Variants in AP1B1 observed in about 807,000 individuals in gnomAD.
AP1B1 encodes the protein adaptor related protein complex 1 subunit beta 1.
A neutral mutation model predicts 104.3 loss-of-function variants in AP1B1; 36 were observed. The observed-to-expected ratio is 0.35, with a 90% confidence interval of 0.26 to 0.46. The LOEUF (loss-of-function observed/expected upper bound fraction) is 0.46. Among genes scored for constraint, AP1B1 ranks in the 20% least tolerant of loss-of-function variants. The pLI is 1.00. For synonymous variants in AP1B1, 504 were observed against 517.5 expected (o/e 0.97, Z 0.35); for missense variants, 901 against 1,247.9 (o/e 0.72, Z 4.19).
chr22:29,356,638 G>A (rs1350447156), intron 5 of AP1B1, 22 bp from the exon 6 acceptor site: 2 of 1,610,522 alleles, frequency 1.2e-6, no homozygotes, highest in African/African-American at 2.7e-5. Flanking sequence ...GGTGGGAGGG[G>A]CAGAGGCTGG....
chr22:29,360,341 C>T (rs968457211), intron 3 of AP1B1, among the ~76,000 whole-genome samples: 3 of 152,200 alleles, frequency 2.0e-5, no homozygotes, highest in African/African-American at 7.2e-5. Context: ...AAACTCACTT[C>T]ACAGGGCCTT....
chr22:29,349,086 C>T (rs556626880), intron 11 of AP1B1, 132 bp downstream of exon 11: 24 of 1,043,286 alleles, frequency 2.3e-5, no homozygotes, highest in South Asian at 1.8e-4. Flanking sequence ...GTGTCCATTA[C>T]GCGCACATCA....
chr22:29,376,066 T>TAG (rs1555933866), intron 1 of AP1B1, among the ~76,000 whole-genome samples: 3 of 152,076 alleles, frequency 2.0e-5, no homozygotes, highest in Non-Finnish European at 4.4e-5. Context: ...CACGAGGAAG[T>TAG]AGAGTATGAT....
intron 4 of AP1B1, chr22:29,359,565 C>T: frequency 2.5e-6 from 1 of 392,554 alleles, no homozygotes; most frequent in Non-Finnish European, 4.5e-6. Context: ...GCATGCAGGG[C>T]AGGGTCCAAT....
Position 29,341,490 on chromosome 22 carries a change from G to C in AP1B1, c.1796+11C>G. 1.2e-6 allele frequency: 2 copies of C among 1,609,242 alleles called. No individual in the cohort carries two copies. The highest frequency in any genetic ancestry group is 8.5e-7 in the Non-Finnish European group (1 of 1,176,336). On this transcript the variant is annotated intron_variant, in intron 13 of 22. Transcript: ENST00000357586. The stretch of plus-strand genomic sequence containing the variant: ...TGTGAAGGCGCAGGCCGACTGGCCA[G>C]TCTCACTCACGAGGCCGTGCGAGGT...
intron 2 of AP1B1, among the ~76,000 whole-genome samples, chr22:29,363,444 T>G (rs564159116): frequency 6.6e-6 from 1 of 152,130 alleles, no homozygotes; most frequent in South Asian, 2.1e-4. Context: ...GGTCAGAAGA[T>G]CAAGACCATC....
At position 29,341,611 on chromosome 22, in the gene AP1B1, C is replaced by A. The variant is rs1308684487; in HGVS notation, c.1686G>T (p.Glu562Asp). 6.2e-7 allele frequency: 1 copy of A among 1,614,132 alleles called. No individual in the cohort carries two copies. The highest frequency in any genetic ancestry group is 1.3e-5 in the African/African-American group (1 of 74,942). Residue 562 changes from glutamate (E) to aspartate (D), a missense_variant, in exon 13 of 23, where the codon GAG becomes GAT. By Grantham distance (45) the Glu-to-Asp change is conservative. This residue lies in a region of AP1B1 where 471 missense variants were observed against 696.7 expected (regional missense o/e 0.68). Transcript: ENST00000357586. ...CCAGCGTGCCGATGTAGCAGATAAG[C>A]TCGTCTAACAGTGTGGGCTCGATGA... is the stretch of plus-strand genomic sequence containing the variant. ...TDLIEPTLLDELICYIGTLAS... is the reference protein window; with the variant it reads ...TDLIEPTLLDDLICYIGTLAS...
chr22:29,370,175 G>A (rs117578133), intron 1 of AP1B1, among the ~76,000 whole-genome samples: 2,904 of 152,160 alleles, frequency 0.019, 38 homozygotes, highest in Non-Finnish European at 0.03. Flanking sequence ...AAAAGTGGCC[G>A]GGCGTGGTGG....
chr22:29,339,075 G>A lies in AP1B1; in HGVS notation c.2078C>T (p.Ala693Val), dbSNP rs779169379. 7.4e-6 allele frequency: 12 copies of A among 1,614,212 alleles called. 1 individual carries two copies. The Admixed American group carries it at 1.8e-4, about 25-fold the overall frequency. The change falls in exon 16 of 23, where the codon GCA becomes GTA. Residue 693 changes from alanine (A) to valine (V), a missense_variant. Physicochemically the swap from Ala to Val is moderately conservative, Grantham distance 64 (BLOSUM62 0). Around this residue, in one of 3 missense-constraint regions of AP1B1, gnomAD observed 424 missense variants for 494.0 expected, o/e 0.86. Transcript: ENST00000357586. ...PTAAVPANLG[A>V]PIGSGLSDLF... ...GTCACTCAGGCCACTGCCGATGGGT[G>A]CTCCAAGATTGGCTGGTACTGCTGC... is the stretch of plus-strand genomic sequence containing the variant.
At chr22:29,366,707 G>T (rs536598855) in intron 2 of AP1B1, among the ~76,000 whole-genome samples, 123 of 152,124 alleles carry the variant, frequency 8.1e-4, no homozygotes, top group Non-Finnish European at 1.3e-4. Flanking sequence ...GCTGAGGCAG[G>T]AGAATAACTT....
At chr22:29,351,395 C>G (rs770426630) in intron 8 of AP1B1, 129 bp from the exon 9 acceptor site, 4 of 1,126,030 alleles carry the variant, frequency 3.6e-6, no homozygotes, top group Non-Finnish European at 5.3e-6. Flanking sequence ...AGGTAGAAGG[C>G]CCAAGGGAGA....
rs1397704967 is a variant in AP1B1, at chr22:29,327,795, C to T, written c.*1026G>A. 1 of 152,158 alleles carries T rather than the reference C, an allele frequency of 6.6e-6. No individual in the cohort carries two copies. Among genetic ancestry groups the T allele is most frequent in the Non-Finnish European group, 1.5e-5 (1 of 68,032 alleles). The allele number at this position is 152,158 out of a possible 1,614,324, so 9.4% of individuals were successfully genotyped here. A position where few individuals can be genotyped will look rare whatever the true frequency, so the allele number is the denominator to read the frequency against. ...TACCGTAGGGTCAGAAAACCATCCC[C>T]AACCACTCGGAGGCAGCTTTCAATC... On this transcript the variant is annotated 3_prime_UTR_variant, in exon 23 of 23. Coordinates refer to ENST00000357586, the MANE Select transcript of AP1B1 (RefSeq NM_001127.4).
At chr22:29,356,187 C>T (rs889727053) in intron 6 of AP1B1, among the ~76,000 whole-genome samples, 1 of 152,260 alleles carries the variant, frequency 6.6e-6, no homozygotes, top group African/African-American at 2.4e-5. Flanking sequence ...CCCTGGGCTT[C>T]TGCCAGCTCC....
intron 1 of AP1B1, among the ~76,000 whole-genome samples, chr22:29,385,752 G>A (rs2148065852): frequency 6.6e-6 from 1 of 152,214 alleles, no homozygotes; most frequent in East Asian, 1.9e-4. Flanking sequence ...AGAAATGTCT[G>A]CAAGGCACAG....
intron 17 of AP1B1, among the ~76,000 whole-genome samples, chr22:29,333,554 CA>C (rs1367517204): frequency 6.6e-6 from 1 of 152,016 alleles, no homozygotes; most frequent in East Asian, 1.9e-4. Flanking sequence ...ACTGTGGAGG[CA>C]AAAATAAGGG....
At chr22:29,364,307 G>A (rs1237939198) in intron 2 of AP1B1, among the ~76,000 whole-genome samples, 1 of 152,224 alleles carries the variant, frequency 6.6e-6, no homozygotes, top group Non-Finnish European at 1.5e-5. Context: ...AGAACTTCAT[G>A]ACATGAAAAA....
chr22:29,356,493 A>G lies in AP1B1; in HGVS notation c.649T>C (p.Trp217Arg). The G allele has an allele frequency of 6.2e-7, 1 of 1,614,146 alleles. No individual in the cohort carries two copies. The highest frequency in any genetic ancestry group is 8.5e-7 in the Non-Finnish European group (1 of 1,180,016). ...CAGTCCAGGATGAAGATCTGGCCCC[A>G]CTCGGTGCACTCATTGAGGGCTGTC... ...LLTALNECTE[W>R]GQIFILDCLA... The change falls in exon 6 of 23, where the codon TGG (tryptophan) becomes CGG (arginine). Residue 217 changes from tryptophan to arginine, a missense_variant. Coordinates refer to ENST00000357586, the MANE Select transcript of AP1B1 (RefSeq NM_001127.4).
At chr22:29,350,800 C>G (rs1026943914) in intron 9 of AP1B1, among the ~76,000 whole-genome samples, 4 of 152,162 alleles carry the variant, frequency 2.6e-5, no homozygotes, top group African/African-American at 9.7e-5. Context: ...CACAGAGGCA[C>G]GTGGGCAGCT....
At chr22:29,382,443 T>A (rs2062452107) in intron 1 of AP1B1, among the ~76,000 whole-genome samples, 1 of 152,206 alleles carries the variant, frequency 6.6e-6, no homozygotes, top group Admixed American at 6.5e-5. Flanking sequence ...CAGAAACACT[T>A]CTACATGTTG....
Sources: gnomAD v4.1 joint callset for allele counts (sites outside exome capture counted in the v4.1 genomes callset) on GRCh38, gnomAD v4.1.1 for gene constraint, gnomAD v4.1.1 regional missense constraint, MANE v1.5 for transcripts, NCBI Gene and HGNC (gene_info 2026-07-23, HGNC 2026-07-21) for gene names.